SMC1A: variants seen among roughly 807,000 people sequenced by gnomAD.
SMC1A encodes the protein structural maintenance of chromosomes 1A, also known as structural maintenance of chromosomes protein 1A.
In SMC1A, 4 loss-of-function variants were observed where a neutral mutation model predicts 94.5. That is an observed-to-expected ratio of 0.04 (90% confidence interval 0.02 to 0.10). SMC1A has a LOEUF of 0.10. Ranked by LOEUF, SMC1A falls within the 10% of genes least tolerant of loss-of-function variation. The pLI is 1.00. For missense variants in SMC1A, 304 were observed against 989.0 expected (o/e 0.31, Z 9.29); for synonymous variants, 345 against 347.7 (o/e 0.99, Z 0.09).
chrX:53,400,092 T>A (rs1602407624), intron 15 of SMC1A, among the ~76,000 whole-genome samples: 1 of 112,210 alleles, frequency 8.9e-6, no homozygotes, highest in African/African-American at 3.2e-5. Context: ...TAGGCTTCTA[T>A]GTACTTTACA....
At chrX:53,395,064 C>T (rs782247927) in intron 18 of SMC1A, among the ~76,000 whole-genome samples, 176 bp from the exon 19 acceptor site, 1 of 112,587 alleles carries the variant, frequency 8.9e-6, no homozygotes, top group East Asian at 2.8e-4. Flanking sequence ...GCTCTATGGC[C>T]AGGTGCAGTG....
chrX:53,381,231 T>C (rs1840977906), intron 22 of SMC1A, 144 bp from the exon 23 acceptor site: 1 of 449,716 alleles, frequency 2.2e-6, no homozygotes, highest in African/African-American at 2.4e-5. Flanking sequence ...CAAAGTTGCC[T>C]GAGCCCCTGA....
intron 1 of SMC1A, among the ~76,000 whole-genome samples, chrX:53,418,888 C>T (rs781819450): frequency 3.6e-5 from 4 of 109,770 alleles, no homozygotes; most frequent in African/African-American, 9.9e-5. Context: ...ACTAAAAATA[C>T]AAAAATTAGC....
chrX:53,415,313 A>G, intron 1 of SMC1A, 144 bp from the exon 2 acceptor site: 1 of 527,461 alleles, frequency 1.9e-6, no homozygotes, highest in South Asian at 2.8e-5. Flanking sequence ...CTCTGTCCCC[A>G]TAAAGACTGA....
At chrX:53,404,064 A>G (rs1364612051) in intron 13 of SMC1A, among the ~76,000 whole-genome samples, 171 bp from the exon 14 acceptor site, 2 of 111,235 alleles carry the variant, frequency 1.8e-5, no homozygotes, top group Non-Finnish European at 3.8e-5. Context: ...AAGCCATCAC[A>G]TGGCTTCTTC....
Position 53,394,896 on chromosome X carries a change from G to A in SMC1A, c.2863-8C>T, listed in dbSNP as rs782738954. 4 of 1,084,414 alleles carry A rather than the reference G, an allele frequency of 3.7e-6. No individual in the cohort carries two copies. The highest frequency in any genetic ancestry group is 5.1e-6 in the Non-Finnish European group (4 of 779,468). The allele number at this position is 1,084,414 out of a possible 1,213,427, so 89.4% of individuals were successfully genotyped here. The stretch of plus-strand genomic sequence containing the variant: ...CTCCCCCTGGGAGCTACCCTGCAAT[G>A]GCAACGGAGAGTCAAGTGGAGCAGA... On this transcript the variant is annotated splice_polypyrimidine_tract_variant and splice_region_variant and intron_variant, in intron 18 of 24. Transcript: ENST00000322213.
In SMC1A at chrX:53,415,010, T is replaced by A; in HGVS notation, c.269A>T (p.Glu90Val). 8.3e-7 allele frequency: 1 copy of A among 1,211,346 alleles called. No individual in the cohort carries two copies. The highest frequency in any genetic ancestry group is 2.2e-5 in the Admixed American group (1 of 45,963). Residue 90 changes from glutamate to valine, a missense_variant, in exon 2 of 25, where the codon GAG becomes GTG. Transcript: ENST00000322213. ...VSMVYSEEGA[E>V]DRTFARVIVG... is the part of the protein sequence containing the mutation. ...AATGACACGGGCAAAGGTACGGTCC[T>A]CAGCACCCTCCTCAGAGTAGACCAT...
intron 22 of SMC1A, chrX:53,381,791 A>C (rs1373226526): frequency 3.4e-5 from 8 of 237,328 alleles, no homozygotes; most frequent in African/African-American, 2.0e-4. Flanking sequence ...GATGCTGTAC[A>C]ATCAAGCAAT....
intron 1 of SMC1A, among the ~76,000 whole-genome samples, chrX:53,421,076 A>C (rs1556891978): frequency 1.8e-5 from 2 of 110,814 alleles, no homozygotes; most frequent in Admixed American, 9.6e-5. Context: ...AAATCTACTA[A>C]TGCTGAGGGG....
intron 19 of SMC1A, among the ~76,000 whole-genome samples, chrX:53,388,485 T>C (rs1251203355): frequency 1.8e-5 from 2 of 109,054 alleles, no homozygotes; most frequent in African/African-American, 3.3e-5. Context: ...AGATCAAGTA[T>C]TTCTGAGGAA....
chrX:53,385,447 T>C (rs1210417414), intron 19 of SMC1A, among the ~76,000 whole-genome samples: 3 of 108,057 alleles, frequency 2.8e-5, no homozygotes, highest in Non-Finnish European at 5.8e-5. Flanking sequence ...ATTTTTTTTT[T>C]GTATTTTTAG....
At chrX:53,388,159 G>A (rs1556886669) in intron 19 of SMC1A, among the ~76,000 whole-genome samples, 1 of 111,018 alleles carries the variant, frequency 9.0e-6, no homozygotes, top group Non-Finnish European at 1.9e-5. Context: ...TGGACATTAA[G>A]TACCTTCTGA....
chrX:53,388,559 A>G (rs2075614151), intron 19 of SMC1A, among the ~76,000 whole-genome samples: 1 of 108,752 alleles, frequency 9.2e-6, no homozygotes, highest in Non-Finnish European at 1.9e-5. Context: ...AGACAGTACA[A>G]AAAAGGATCA....
chrX:53,393,887 T>C (rs1602404178), intron 19 of SMC1A, among the ~76,000 whole-genome samples: 1 of 110,894 alleles, frequency 9.0e-6, no homozygotes. Context: ...CCGGGCACAG[T>C]GGCTCACACC....
intron 16 of SMC1A, among the ~76,000 whole-genome samples, chrX:53,397,957 G>A (rs1354836497): frequency 4.6e-5 from 5 of 109,845 alleles, no homozygotes; most frequent in Non-Finnish European, 3.8e-5. Flanking sequence ...AGGCAGAGGC[G>A]GGCGGATCAC....
intron 1 of SMC1A, among the ~76,000 whole-genome samples, chrX:53,415,645 C>G (rs1197568149): frequency 1.0e-5 from 1 of 100,306 alleles, no homozygotes; most frequent in Admixed American, 1.1e-4. Context: ...CTAGCCTGGG[C>G]GACAGAGCGA....
intron 19 of SMC1A, among the ~76,000 whole-genome samples, chrX:53,391,485 A>AAGG (rs1250751646): frequency 9.1e-6 from 1 of 110,182 alleles, no homozygotes; most frequent in African/African-American, 3.3e-5. Context: ...AGAGAAGAAG[A>AAGG]AGAAAAATGA....
At chrX:53,414,697 A>G (rs1020897452) in intron 3 of SMC1A, 61 bp downstream of exon 3, 73 of 695,618 alleles carry the variant, frequency 1.0e-4, no homozygotes, top group South Asian at 1.9e-4. Flanking sequence ...GAGCAGACAG[A>G]GTGGGGATGG....
chrX:53,404,044 T>C (rs2075681605), intron 13 of SMC1A, 151 bp from the exon 14 acceptor site: 4 of 507,763 alleles, frequency 7.9e-6, no homozygotes, highest in Non-Finnish European at 1.4e-5. Context: ...GCCTCCATGA[T>C]GTTGCACTGA....
Sources: allele counts gnomAD v4.1 joint callset (sites outside exome capture counted in the v4.1 genomes callset), GRCh38; gene constraint gnomAD v4.1.1; transcripts MANE v1.5; gene names NCBI Gene and HGNC (gene_info 2026-07-23, HGNC 2026-07-21).